The following LSM6 variants were observed in gnomAD, a reference collection of about 807,000 sequenced individuals.
LSM6 encodes LSM6 homolog, U6 small nuclear RNA and mRNA degradation associated.
In LSM6, 2 loss-of-function variants were observed where a neutral mutation model predicts 13.5. The ratio of observed to expected loss-of-function variants is 0.15; its 90% CI spans 0.06 to 0.47. The LOEUF is 0.47. Ranked by LOEUF, LSM6 falls within the 20% of genes least tolerant of loss-of-function variation. The probability of loss-of-function intolerance (pLI) is 0.97; values close to 1 mark genes in which losing one functional copy is unlikely to be tolerated. For missense variants in LSM6, 58 were observed against 96.4 expected (o/e 0.60, Z 1.67); for synonymous variants, 43 against 34.9 (o/e 1.23, Z -0.82).
At chr4:146,183,078 T>C (rs1578678804) in intron 2 of LSM6, 63 bp downstream of exon 2, 3 of 1,201,130 alleles carry the variant, frequency 2.5e-6, no homozygotes, top group East Asian at 2.4e-5. Flanking sequence ...CTTACTGATA[T>C]TTATTAACCT....
At position 146,189,643 on chromosome 4, in the gene LSM6, A is replaced by G. The variant is rs1040068890; in HGVS notation, c.230A>G (p.Lys77Arg). 6.9e-6 allele frequency: 11 copies of G among 1,602,640 alleles called. No homozygotes were observed. The highest frequency in any genetic ancestry group is 9.4e-6 in the Non-Finnish European group (11 of 1,173,946). The change falls in exon 4 of 4, where the codon AAG (lysine) becomes AGG (arginine). Residue 77 changes from lysine to arginine, a missense_variant. Coordinates refer to ENST00000296581, the MANE Select transcript of LSM6 (RefSeq NM_007080.3). ...GNNVLYISTQKRRM is the reference protein window; with the variant it reads ...GNNVLYISTQRRRM Reference sequence around the variant, plus strand: ...TCAGTGTTGTACATCAGTACACAGAAGAGACGGATGTGAAGACACCAAGAG... The same window carrying G: ...TCAGTGTTGTACATCAGTACACAGAGGAGACGGATGTGAAGACACCAAGAG...
rs761217707 is a variant in LSM6 at position 146,187,323 on chromosome 4, A to G, written c.144A>G (p.Thr48=). 81 of 1,613,906 alleles carry G rather than the reference A, an allele frequency of 5.0e-5. No homozygotes were observed. The highest frequency in any genetic ancestry group is 2.5e-4 in the African/African-American group (19 of 75,042). ...ACATGAATATAGCCCTGGAGCAGAC[A>G]GAAGAATATGTAAATGGACAACTGA... ...DGYMNIALEQ[T]EEYVNGQLKN... The change falls in exon 3 of 4, where the codon ACA becomes ACG. Residue 48 remains threonine (T), a synonymous_variant. Transcript: ENST00000296581.
intron 3 of LSM6, among the ~76,000 whole-genome samples, chr4:146,188,869 A>G (rs1730405024): frequency 6.6e-6 from 1 of 152,182 alleles, no homozygotes; most frequent in Admixed American, 6.5e-5. Flanking sequence ...GTTGCATTTA[A>G]GAAGGTAAAC....
intron 3 of LSM6, among the ~76,000 whole-genome samples, chr4:146,187,729 G>A (rs369469008): frequency 1.1e-4 from 17 of 152,236 alleles, no homozygotes; most frequent in East Asian, 7.7e-4. Context: ...AATGGGCACC[G>A]TTTCCCTGCT....
chr4:146,189,382 C>A (rs547860609), intron 3 of LSM6, among the ~76,000 whole-genome samples: 5 of 152,316 alleles, frequency 3.3e-5, no homozygotes, highest in South Asian at 2.1e-4. Flanking sequence ...TTCCTGGTCA[C>A]ACTTTAAAGA....
Position 146,182,357 on chromosome 4 carries a change from G to A in LSM6, c.-10-555G>A, listed in dbSNP as rs767035917. Among the ~76,000 whole-genome samples the A allele has an allele frequency of 2.6e-5, 4 of 152,056 alleles. No homozygotes were observed. The East Asian group carries it at 5.8e-4, about 22-fold the overall frequency. On this transcript the variant is annotated intron_variant, in intron 1 of 3. Transcript: ENST00000296581. ...TAAATATGTCTGTTCTATATAATAC[G>A]GACTTTAAAATAGGGCTGATTTGAA...
chr4:146,176,806 C>G (rs139239252), intron 1 of LSM6: 75 of 152,012 alleles, frequency 4.9e-4, no homozygotes, highest in African/African-American at 1.8e-3. Flanking sequence ...TCTTAGCATC[C>G]CAGATAGTGC....
chr4:146,187,939 A>G (rs1416660022), intron 3 of LSM6, among the ~76,000 whole-genome samples: 2 of 152,250 alleles, frequency 1.3e-5, no homozygotes, highest in Non-Finnish European at 2.9e-5. Context: ...TGAAAATTAT[A>G]ATAAAGTCAT....
chr4:146,188,959 T>G (rs1730407063), intron 3 of LSM6, among the ~76,000 whole-genome samples: 4 of 151,964 alleles, frequency 2.6e-5, no homozygotes, highest in Admixed American at 2.6e-4. Context: ...CTGGTTAGAT[T>G]TACTGATTTA....
At chr4:146,179,879 A>G (rs1730193763) in intron 1 of LSM6, among the ~76,000 whole-genome samples, 1 of 152,196 alleles carries the variant, frequency 6.6e-6, no homozygotes, top group South Asian at 2.1e-4. Flanking sequence ...GCTTGTTCAA[A>G]TAGATTGCTG....
intron 2 of LSM6, chr4:146,183,527 G>A (rs17814023): frequency 0.24 from 35,964 of 152,348 alleles, 4,822 homozygotes; most frequent in Non-Finnish European, 0.3. Context: ...AGAGGCTGCA[G>A]TGCTTTTGAA....
At position 146,182,912 on chromosome 4, in the gene LSM6, G is replaced by A. The variant is rs1476884667; in HGVS notation, c.-10G>A. On this transcript the variant is annotated splice_region_variant and 5_prime_UTR_variant, in exon 2 of 4. Coordinates refer to ENST00000296581, the MANE Select transcript of LSM6 (RefSeq NM_007080.3). ...TGTTCCTTTTCATATTTTGATTTAG[G>A]ATTGTTAAAATGAGTCTTCGGAAGC... is the stretch of plus-strand genomic sequence containing the variant. 2.6e-6 allele frequency: 4 copies of A among 1,562,168 alleles called. No homozygotes were observed. The highest frequency in any genetic ancestry group is 3.5e-6 in the Non-Finnish European group (4 of 1,132,858).
intron 1 of LSM6, among the ~76,000 whole-genome samples, chr4:146,181,886 A>T (rs1256428745): frequency 6.6e-6 from 1 of 152,136 alleles, no homozygotes. Flanking sequence ...TTTTGAAAGG[A>T]GTGATGTGCA....
chr4:146,181,538 T>G (rs566440111), intron 1 of LSM6, among the ~76,000 whole-genome samples: 2 of 152,236 alleles, frequency 1.3e-5, no homozygotes, highest in African/African-American at 4.8e-5. Context: ...AAATAATCCT[T>G]CTCCACACAA....
chr4:146,183,935 C>T (rs1161983837), intron 2 of LSM6, among the ~76,000 whole-genome samples: 5 of 147,874 alleles, frequency 3.4e-5, no homozygotes, highest in African/African-American at 1.3e-4. Context: ...TGCAGCGGCG[C>T]GATCTCGGCT....
intron 1 of LSM6, among the ~76,000 whole-genome samples, chr4:146,182,427 T>G (rs1276836901): frequency 6.6e-6 from 1 of 152,276 alleles, no homozygotes; most frequent in Admixed American, 6.5e-5. Flanking sequence ...TTAATCTTTC[T>G]GTGCCTTTAC....
At chr4:146,178,781 C>T (rs1578676051) in intron 1 of LSM6, among the ~76,000 whole-genome samples, 1 of 152,046 alleles carries the variant, frequency 6.6e-6, no homozygotes, top group Non-Finnish European at 1.5e-5. Context: ...TTTTTTTCCC[C>T]AGTGCTGCTA....
At chr4:146,182,556 A>G (rs1281246714) in intron 1 of LSM6, among the ~76,000 whole-genome samples, 1 of 152,264 alleles carries the variant, frequency 6.6e-6, no homozygotes. Context: ...CCAACCACTC[A>G]CTGAATGGAA....
At chr4:146,185,361 G>T (rs1274045445) in intron 2 of LSM6, among the ~76,000 whole-genome samples, 3 of 151,950 alleles carry the variant, frequency 2.0e-5, no homozygotes, top group African/African-American at 4.8e-5. Flanking sequence ...CACATGGATA[G>T]TAACCATAAT....
Sources: gnomAD v4.1 joint callset for allele counts (sites outside exome capture counted in the v4.1 genomes callset) on GRCh38, gnomAD v4.1.1 for gene constraint, MANE v1.5 for transcripts, NCBI Gene and HGNC (gene_info 2026-07-23, HGNC 2026-07-21) for gene names.